The following NPLOC4 variants were observed in gnomAD, a reference collection of about 807,000 sequenced individuals.
NPLOC4 encodes NPL4 homolog, ubiquitin recognition factor.
Under a neutral mutation model 80.6 loss-of-function variants are expected in NPLOC4, and 18 were observed. The ratio of observed to expected loss-of-function variants is 0.22; its 90% CI spans 0.15 to 0.33. The LOEUF (loss-of-function observed/expected upper bound fraction) is 0.33, where lower values mean the gene tolerates loss of function less well. Among genes scored for constraint, NPLOC4 ranks in the 10% least tolerant of loss-of-function variants. NPLOC4 has a pLI of 1.00. For synonymous variants in NPLOC4, 313 were observed against 301.5 expected (o/e 1.04, Z -0.39); for missense variants, 540 against 786.1 (o/e 0.69, Z 3.74).
At chr17:81,615,827 G>C (rs1405791736) in intron 3 of NPLOC4, among the ~76,000 whole-genome samples, 1 of 152,120 alleles carries the variant, frequency 6.6e-6, no homozygotes, top group Non-Finnish European at 1.5e-5. Flanking sequence ...CCTCTATCCA[G>C]TACACAGCAA....
chr17:81,592,623 C>T (rs2034780840), intron 11 of NPLOC4, among the ~76,000 whole-genome samples: 1 of 152,122 alleles, frequency 6.6e-6, no homozygotes, highest in African/African-American at 2.4e-5. Flanking sequence ...GTGGTAGCCC[C>T]CAAGTTAGAA....
chr17:81,606,107 C>A (rs2035196400), intron 7 of NPLOC4, among the ~76,000 whole-genome samples: 1 of 152,074 alleles, frequency 6.6e-6, no homozygotes, highest in Non-Finnish European at 1.5e-5. Flanking sequence ...CAGGTGTGAG[C>A]CACCTTGCCC....
At chr17:81,564,441 T>G (rs568144320) in intron 16 of NPLOC4, 30 of 152,364 alleles carry the variant, frequency 2.0e-4, no homozygotes, top group African/African-American at 7.3e-4. Flanking sequence ...GCCTCGGCAA[T>G]AGAGTGAGAC....
In NPLOC4 at chr17:81,572,988, G is replaced by C. The variant is rs1020477790; in HGVS notation, c.1282-900C>G. 8.5e-5 allele frequency among the ~76,000 whole-genome samples: 13 copies of C among 152,104 alleles called. No individual in the cohort carries two copies. The highest frequency in any genetic ancestry group is 1.5e-4 in the Non-Finnish European group (10 of 68,016). ...CTTTGTCAGATGCACAGAACATAAA[G>C]TTTAATTATGGGGAAAAACGGCCAG... On this transcript the variant is annotated intron_variant, in intron 12 of 16. Transcript: ENST00000331134. This position sits in a 1 kb window ranked among gnomAD's most constrained non-coding sequence, Gnocchi z 4.5.
intron 5 of NPLOC4, among the ~76,000 whole-genome samples, chr17:81,609,882 A>C (rs147476303): frequency 6.6e-6 from 1 of 152,338 alleles, no homozygotes; most frequent in East Asian, 1.9e-4. Context: ...GTAAATCAAC[A>C]ATGATAAGCA....
chr17:81,573,388 T>A (rs2034211417), intron 12 of NPLOC4: 1 of 152,164 alleles, frequency 6.6e-6, no homozygotes, highest in African/African-American at 2.4e-5. Flanking sequence ...GAGACAATCA[T>A]CACAAGCTGT....
In NPLOC4 at chr17:81,631,438, T is replaced by TATATA. The variant is rs1568170977; in HGVS notation, c.16-1634_16-1633insTATAT. Among the ~76,000 whole-genome samples the TATATA allele has an allele frequency of 3.6e-3, 93 of 25,892 alleles. 1 individual carries two copies. The highest frequency in any genetic ancestry group is 0.01 in the African/African-American group (79 of 7,770). The allele number at this position is 25,892 out of a possible 152,430, so 17.0% of individuals were successfully genotyped here. On this transcript the variant is annotated intron_variant, in intron 1 of 16. Transcript: ENST00000331134. ...AAAGTGTACATATATATATATATATTTTTTTTTTTTTTTTTTTTTTTTTTC... is the reference window on the plus strand; with the variant it reads ...AAAGTGTACATATATATATATATATTATATATTTTTTTTTTTTTTTTTTTTTTTTC...
intron 4 of NPLOC4, 23 bp downstream of exon 4, chr17:81,613,295 C>G (rs1006039189): frequency 6.9e-6 from 11 of 1,601,358 alleles, no homozygotes; most frequent in African/African-American, 1.3e-5. Flanking sequence ...AAGTAGGACC[C>G]TGGAATCTCA....
intron 9 of NPLOC4, 57 bp from the exon 10 acceptor site, chr17:81,597,373 G>A (rs934777449): frequency 5.8e-6 from 8 of 1,380,906 alleles, no homozygotes; most frequent in Non-Finnish European, 8.3e-6. Context: ...ATGAATGGCT[G>A]GGCGCAGTGA....
In NPLOC4 at chr17:81,559,028, G is replaced by GTTTC. The variant is rs1386967046; in HGVS notation, c.*227_*230dup. 9 of 531,244 alleles carry GTTTC rather than the reference G, an allele frequency of 1.7e-5. No individual in the cohort carries two copies. Among genetic ancestry groups the GTTTC allele is most frequent in the Non-Finnish European group, 2.7e-5 (8 of 299,852 alleles). 32.9% of individuals were successfully genotyped at this position (531,244 alleles called of 1,614,324 possible). ...GATTAGGCGTGAGGAGCCGCTCTGC[G>GTTTC]TTTCCAGTCTGGAGACTGCATTCAG... On this transcript the variant is annotated 3_prime_UTR_variant, in exon 17 of 17. Coordinates refer to ENST00000331134, the MANE Select transcript of NPLOC4 (RefSeq NM_017921.4).
intron 7 of NPLOC4, 35 bp downstream of exon 7, chr17:81,606,656 T>A (rs754490211): frequency 3.6e-5 from 57 of 1,596,812 alleles, no homozygotes; most frequent in Non-Finnish European, 8.6e-7. Context: ...TTCTCAGCCA[T>A]GAAAACAAAT....
chr17:81,583,107 C>G (rs1220659940), intron 12 of NPLOC4, among the ~76,000 whole-genome samples: 3 of 152,272 alleles, frequency 2.0e-5, no homozygotes, highest in Admixed American at 2.0e-4. Context: ...TTAAACTCTT[C>G]TTCCTAATTA....
At chr17:81,576,812 G>C (rs1271327873) in intron 12 of NPLOC4, among the ~76,000 whole-genome samples, 1 of 152,178 alleles carries the variant, frequency 6.6e-6, no homozygotes, top group Admixed American at 6.5e-5. Flanking sequence ...AAGAAGCACA[G>C]AGAGCGGGGT....
At position 81,557,254 on chromosome 17, in the gene NPLOC4, C is replaced by G. The variant is rs554007513; in HGVS notation, c.*2005G>C. ...CCTGAACTCTCACAGCAGGGCTCAC[C>G]CCCAAGCCTGTATGCTTAGCTCTGA... On this transcript the variant is annotated 3_prime_UTR_variant, in exon 17 of 17. Coordinates refer to ENST00000331134, the MANE Select transcript of NPLOC4 (RefSeq NM_017921.4). The G allele has an allele frequency of 6.6e-6, 1 of 152,442 alleles. No individual in the cohort carries two copies. The highest frequency in any genetic ancestry group is 2.4e-5 in the African/African-American group (1 of 41,442). The allele number at this position is 152,442 out of a possible 1,614,324, so 9.4% of individuals were successfully genotyped here. A position where few individuals can be genotyped will look rare whatever the true frequency, so the allele number is the denominator to read the frequency against.
At chr17:81,559,743 T>G (rs2033787854) in intron 16 of NPLOC4, among the ~76,000 whole-genome samples, 1 of 149,134 alleles carries the variant, frequency 6.7e-6, no homozygotes, top group Non-Finnish European at 1.5e-5. Context: ...TTTTTTTTTT[T>G]TTTTTCTGAG....
intron 2 of NPLOC4, among the ~76,000 whole-genome samples, chr17:81,627,873 T>G (rs565315590): frequency 2.6e-5 from 4 of 150,954 alleles, no homozygotes; most frequent in African/African-American, 9.8e-5. Context: ...GAGGCGGAGG[T>G]TGCACTGAGC....
At chr17:81,605,048 CAGG>C (rs2035164407) in intron 7 of NPLOC4, among the ~76,000 whole-genome samples, 2 of 151,848 alleles carry the variant, frequency 1.3e-5, no homozygotes, top group African/African-American at 4.8e-5. Flanking sequence ...ATCATGAGGT[CAGG>C]AGATCAAGAC....
chr17:81,559,081 C>G lies in NPLOC4; in HGVS notation c.*178G>C. ...TGCAGAATACCAGCCGTGGCGCCCGCTCTCCAGGGAGGAACGTGCTGAGAA... is the reference window on the plus strand; with the variant it reads ...TGCAGAATACCAGCCGTGGCGCCCGGTCTCCAGGGAGGAACGTGCTGAGAA... On this transcript the variant is annotated 3_prime_UTR_variant, in exon 17 of 17. Transcript: ENST00000331134. 1.5e-6 allele frequency: 1 copy of G among 665,910 alleles called. No homozygotes were observed. Among genetic ancestry groups the G allele is most frequent in the Non-Finnish European group, 2.5e-6 (1 of 405,802 alleles). The allele number at this position is 665,910 out of a possible 1,614,324, so 41.3% of individuals were successfully genotyped here.
intron 4 of NPLOC4, 93 bp from the exon 5 acceptor site, chr17:81,610,351 T>C (rs1216983432): frequency 3.6e-6 from 4 of 1,107,222 alleles, no homozygotes; most frequent in Admixed American, 2.1e-5. Context: ...TTTAACAGAG[T>C]GTTTCCCTGC....
Sources: allele counts gnomAD v4.1 joint callset (sites outside exome capture counted in the v4.1 genomes callset), GRCh38; gene constraint gnomAD v4.1.1; non-coding constraint Gnocchi (gnomAD v3.1); transcripts MANE v1.5; gene names NCBI Gene and HGNC (gene_info 2026-07-23, HGNC 2026-07-21).